The following DYNC2I1 variants were observed in gnomAD, a reference collection of about 807,000 sequenced individuals.
DYNC2I1 encodes the protein cytoplasmic dynein 2 intermediate chain 1.
In DYNC2I1, 89 loss-of-function variants were observed where a neutral mutation model predicts 133.4. The observed-to-expected ratio is 0.67, with a 90% CI of 0.56 to 0.80. DYNC2I1 has a LOEUF of 0.80. Among genes scored for constraint, DYNC2I1 ranks in the 30% least tolerant of loss-of-function variants. DYNC2I1 has a pLI of 0.00. For missense variants in DYNC2I1, 1,291 were observed against 1,314.5 expected, an observed-to-expected ratio of 0.98 and a Z score of 0.28; for synonymous variants, 504 against 484.3, an observed-to-expected ratio of 1.04 and a Z score of -0.54.
chr7:158,941,176 T>C (rs1159962532), intron 23 of DYNC2I1, among the ~76,000 whole-genome samples: 1 of 152,124 alleles, frequency 6.6e-6, no homozygotes, highest in East Asian at 1.9e-4. Context: ...CAAATAATCA[T>C]TAGAGACTAT....
chr7:158,906,164 A>C lies in DYNC2I1; in HGVS notation c.1460+73A>C, dbSNP rs571870835. 9.2e-5 allele frequency: 126 copies of C among 1,376,380 alleles called. No homozygotes were observed. In the South Asian group the frequency reaches 1.5e-3, roughly 16 times the overall value. The allele number at this position is 1,376,380 out of a possible 1,614,324, so 85.3% of individuals were successfully genotyped here. ...ACTTTTCTTTCACATACTTTTAAAA[A>C]ATCGAGTTTTAAAATGCATTTTTAC... On this transcript the variant is annotated intron_variant, in intron 11 of 24. Transcript: ENST00000407559.
At chr7:158,906,944 T>C (rs777478014) in intron 11 of DYNC2I1, among the ~76,000 whole-genome samples, 2 of 152,164 alleles carry the variant, frequency 1.3e-5, no homozygotes, top group Admixed American at 1.3e-4. Flanking sequence ...TTCAAGAGCC[T>C]GAGCAAGGAG....
chr7:158,845,882 A>G, the DYNC2I1 span, among the ~76,000 whole-genome samples: 2 of 152,366 alleles, frequency 1.3e-5, no homozygotes. Context: ...CAATTTAAAA[A>G]TTATAGAAAA....
chr7:158,872,530 T>G (rs1203184), intron 3 of DYNC2I1, among the ~76,000 whole-genome samples: 36,554 of 151,520 alleles, frequency 0.24, 4,514 homozygotes, highest in Middle Eastern at 0.29. Context: ...AGCTACTCAG[T>G]AGGCTGAGGC....
intron 11 of DYNC2I1, among the ~76,000 whole-genome samples, chr7:158,909,990 G>A (rs1847232440): frequency 6.6e-6 from 1 of 152,164 alleles, no homozygotes; most frequent in Admixed American, 6.5e-5. Context: ...AGACCCGGTG[G>A]CCGAGGCACC....
intron 14 of DYNC2I1, among the ~76,000 whole-genome samples, chr7:158,914,754 T>C (rs543028077): frequency 6.6e-5 from 10 of 152,234 alleles, no homozygotes; most frequent in Non-Finnish European, 1.2e-4. Context: ...ACAGGTACTT[T>C]AGTGGTTATC....
At chr7:158,885,694 A>G (rs960681615) in intron 6 of DYNC2I1, among the ~76,000 whole-genome samples, 2 of 152,180 alleles carry the variant, frequency 1.3e-5, no homozygotes, top group East Asian at 1.9e-4. Context: ...TGACAATCAT[A>G]TTTTGTAATC....
the DYNC2I1 span, among the ~76,000 whole-genome samples, chr7:158,845,516 A>G: frequency 1.3e-5 from 2 of 152,230 alleles, no homozygotes; most frequent in Non-Finnish European, 2.9e-5. Context: ...ATAAAACTCT[A>G]AATCAGGCCT....
chr7:158,881,631 A>T (rs112506171), intron 5 of DYNC2I1, among the ~76,000 whole-genome samples: 27 of 151,602 alleles, frequency 1.8e-4, no homozygotes, highest in African/African-American at 4.4e-4. Flanking sequence ...TTTTTTGTAT[A>T]TTTAGTAGAG....
intron 1 of DYNC2I1, among the ~76,000 whole-genome samples, chr7:158,856,993 C>G (rs942894658): frequency 1.3e-5 from 2 of 152,152 alleles, no homozygotes; most frequent in Middle Eastern, 3.4e-3. Flanking sequence ...TGTGCAGCCT[C>G]AGGCCTGGGG....
downstream of DYNC2I1, among the ~76,000 whole-genome samples, chr7:158,946,778 C>T (rs1326507960): frequency 6.6e-6 from 1 of 152,240 alleles, no homozygotes. Flanking sequence ...TCTGTCCCAT[C>T]ACCCTCCTAG....
chr7:158,851,405 T>C, the DYNC2I1 span, among the ~76,000 whole-genome samples: 2 of 129,282 alleles, frequency 1.5e-5, no homozygotes, highest in Non-Finnish European at 3.1e-5. Context: ...TGGTGGTGGC[T>C]GGTGCCTGTA....
intron 4 of DYNC2I1, among the ~76,000 whole-genome samples, chr7:158,955,290 C>G (rs974764729): frequency 2.6e-5 from 4 of 152,220 alleles, no homozygotes; most frequent in African/African-American, 9.6e-5. Context: ...GGCTGTTTCT[C>G]CTCCAGTGCT....
At chr7:158,893,484 T>G (rs1301820397) in intron 8 of DYNC2I1, among the ~76,000 whole-genome samples, 1 of 152,192 alleles carries the variant, frequency 6.6e-6, no homozygotes, top group African/African-American at 2.4e-5. Flanking sequence ...GCAAAATCAT[T>G]TGACACAAAA....
chr7:158,871,095 A>C, intron 2 of DYNC2I1, 47 bp from the exon 3 acceptor site: 1 of 1,559,494 alleles, frequency 6.4e-7, no homozygotes, highest in Non-Finnish European at 8.6e-7. Flanking sequence ...AGTCTAATGG[A>C]AATCTGCCTT....
At chr7:158,955,334 C>G (rs1852172999) in intron 4 of DYNC2I1, among the ~76,000 whole-genome samples, 1 of 152,216 alleles carries the variant, frequency 6.6e-6, no homozygotes, top group African/African-American at 2.4e-5. Context: ...TCTGACCCTG[C>G]CGCACCTCTG....
At chr7:158,865,839 G>T (rs562632044) in intron 1 of DYNC2I1, among the ~76,000 whole-genome samples, 1 of 152,182 alleles carries the variant, frequency 6.6e-6, no homozygotes. Flanking sequence ...AGTGGGGACC[G>T]ACAGCACCGG....
chr7:158,931,897 GC>G (rs1192468906), intron 21 of DYNC2I1, among the ~76,000 whole-genome samples: 1 of 152,158 alleles, frequency 6.6e-6, no homozygotes, highest in African/African-American at 2.4e-5. Context: ...CAGGAAGAAG[GC>G]TCTGCAGTGG....
chr7:158,918,103 C>G (rs1374625144), intron 14 of DYNC2I1, among the ~76,000 whole-genome samples: 1 of 152,176 alleles, frequency 6.6e-6, no homozygotes, highest in African/African-American at 2.4e-5. Context: ...TCCCGGCCGT[C>G]CTGACCCTGA....
Sources: allele counts gnomAD v4.1 joint callset (sites outside exome capture counted in the v4.1 genomes callset), GRCh38; gene constraint gnomAD v4.1.1; transcripts MANE v1.5; gene names NCBI Gene and HGNC (gene_info 2026-07-23, HGNC 2026-07-21).